Variants in NADK2 observed in about 807,000 individuals in gnomAD.
NADK2 encodes the protein NAD kinase domain-containing protein 1, mitochondrial.
A neutral mutation model predicts 62.1 loss-of-function variants in NADK2; 35 were observed. The ratio of observed to expected loss-of-function variants is 0.56; its 90% confidence interval spans 0.43 to 0.75. The LOEUF (loss-of-function observed/expected upper bound fraction) is 0.75. Ranked by LOEUF, NADK2 falls within the 30% of genes least tolerant of loss-of-function variation. The probability of loss-of-function intolerance (pLI) is 0.00; values close to 1 mark genes in which losing one functional copy is unlikely to be tolerated. For missense variants in NADK2, 439 were observed against 561.3 expected (o/e 0.78, Z 2.20); for synonymous variants, 205 against 207.9 (o/e 0.99, Z 0.12).
chr5:36,205,356 AG>A lies in NADK2; in HGVS notation c.956+1813del. ...AAGACTGGATTTTCAGACAGTGGATAGAAAGTGGAGTGTTCAGGCATTCAAG... is the reference window on the plus strand; with the variant it reads ...AAGACTGGATTTTCAGACAGTGGATAAAAGTGGAGTGTTCAGGCATTCAAG... On this transcript the variant is annotated intron_variant, in intron 8 of 11. Coordinates refer to ENST00000381937, the MANE Select transcript of NADK2 (RefSeq NM_001085411.3). This position sits in a 1 kb window ranked among gnomAD's most constrained non-coding sequence, Gnocchi z 4.1. 6.6e-6 allele frequency among the ~76,000 whole-genome samples: 1 copy of A among 152,236 alleles called. No individual in the cohort carries two copies. Among genetic ancestry groups the A allele is most frequent in the Non-Finnish European group, 1.5e-5 (1 of 67,986 alleles).
At chr5:36,207,321 A>AT in intron 7 of NADK2, 56 bp from the exon 8 acceptor site, 1 of 1,383,622 alleles carries the variant, frequency 7.2e-7, no homozygotes, top group South Asian at 1.2e-5. Flanking sequence ...GGTAAATAAG[A>AT]GAGTCTTCTT....
rs1330269204 is a variant in NADK2, at chr5:36,233,063, T to C, written c.301-5498A>G. Among the ~76,000 whole-genome samples, 7 of 152,320 alleles carry C rather than the reference T, an allele frequency of 4.6e-5. 1 individual carries two copies. The South Asian group carries it at 1.2e-3, about 27-fold the overall frequency. Reference sequence around the variant, plus strand: ...ACCTTTAATTCTTCCTCACACTCAATGTCCACAGCCAGTCAGTAGTGAAGT... The same window carrying C: ...ACCTTTAATTCTTCCTCACACTCAACGTCCACAGCCAGTCAGTAGTGAAGT... On this transcript the variant is annotated intron_variant, in intron 1 of 11. Coordinates refer to ENST00000381937, the MANE Select transcript of NADK2 (RefSeq NM_001085411.3).
At chr5:36,207,858 T>C (rs1579606432) in intron 7 of NADK2, among the ~76,000 whole-genome samples, 1 of 152,252 alleles carries the variant, frequency 6.6e-6, no homozygotes, top group Middle Eastern at 3.4e-3. Context: ...TATAAATTTC[T>C]TGGGATTTAC....
chr5:36,208,901 T>A (rs1746740498), intron 7 of NADK2, among the ~76,000 whole-genome samples: 1 of 152,108 alleles, frequency 6.6e-6, no homozygotes, highest in Admixed American at 6.6e-5. Context: ...TGCTAGCTAA[T>A]TATATGACCT....
rs10461961 is a variant in NADK2, at chr5:36,197,720, G to A, written c.1067-56C>T. ...TAAAAGATGGTCACTTCTGAGAAGG[G>A]CAAAACAAAAAATAGATGCCATCCC... On this transcript the variant is annotated intron_variant, in intron 10 of 11. Coordinates refer to ENST00000381937, the MANE Select transcript of NADK2 (RefSeq NM_001085411.3). The A allele has an allele frequency of 7.4e-3, 10,265 of 1,395,902 alleles. 716 individuals are homozygous for A. In the East Asian group the frequency reaches 0.17, roughly 23 times the overall value. The allele number at this position is 1,395,902 out of a possible 1,614,324, so 86.5% of individuals were successfully genotyped here. A position where few individuals can be genotyped will look rare whatever the true frequency, so the allele number is the denominator to read the frequency against.
chr5:36,241,761 C>T lies in NADK2; in HGVS notation c.38G>A (p.Cys13Tyr). ...CGCCGCCCGGCCGCCCGCCACGCGA[C>T]AACAGCTGCCCAGCAAGAAGCCTCG... ...CYRGFLLGSC[C>Y]RVAGGRAAAL... Residue 13 changes from cysteine to tyrosine, a missense_variant, in exon 1 of 12, where the codon TGT (cysteine) becomes TAT (tyrosine). Coordinates refer to ENST00000381937, the MANE Select transcript of NADK2 (RefSeq NM_001085411.3). The surrounding 1 kb of genome is among the most constrained non-coding windows in gnomAD (Gnocchi z 4.9). 7.5e-7 allele frequency: 1 copy of T among 1,332,586 alleles called. No individual in the cohort carries two copies. Among genetic ancestry groups the T allele is most frequent in the Non-Finnish European group, 9.6e-7 (1 of 1,036,916 alleles). The allele number at this position is 1,332,586 out of a possible 1,614,324, so 82.5% of individuals were successfully genotyped here.
chr5:36,222,639 G>T (rs1465869847), intron 4 of NADK2, among the ~76,000 whole-genome samples: 1 of 152,130 alleles, frequency 6.6e-6, no homozygotes, highest in Non-Finnish European at 1.5e-5. Flanking sequence ...AATAAGAAGT[G>T]GATATAATCA....
At chr5:36,235,680 A>T (rs941457946) in intron 1 of NADK2, among the ~76,000 whole-genome samples, 1 of 152,008 alleles carries the variant, frequency 6.6e-6, no homozygotes, top group African/African-American at 2.4e-5. Context: ...GAGAACTGTG[A>T]ATACTCATTA....
chr5:36,208,077 G>C (rs1446040462), intron 7 of NADK2, among the ~76,000 whole-genome samples: 1 of 151,998 alleles, frequency 6.6e-6, no homozygotes, highest in Admixed American at 6.6e-5. Flanking sequence ...AAATAAAAAA[G>C]TTACGATAAA....
At chr5:36,203,553 A>C in intron 8 of NADK2, among the ~76,000 whole-genome samples, 1 of 152,068 alleles carries the variant, frequency 6.6e-6, no homozygotes, top group Non-Finnish European at 1.5e-5. Context: ...AAAGACTTTT[A>C]TACTAGAGCA....
At chr5:36,204,521 T>C (rs1490598610) in intron 8 of NADK2, among the ~76,000 whole-genome samples, 3 of 152,106 alleles carry the variant, frequency 2.0e-5, no homozygotes, top group Admixed American at 2.0e-4. Context: ...ACAGGAAAAA[T>C]ACTATCATCA....
chr5:36,194,953 A>G lies in NADK2; in HGVS notation c.*191T>C, dbSNP rs112275083. ...GTATCAATTCTAATTGGTTCAGTCC[A>G]TCCATTTTCTTATACAGTGAATGTC... On this transcript the variant is annotated 3_prime_UTR_variant, in exon 12 of 12. Coordinates refer to ENST00000381937, the MANE Select transcript of NADK2 (RefSeq NM_001085411.3). 17 of 529,566 alleles carry G rather than the reference A, an allele frequency of 3.2e-5. No individual in the cohort carries two copies. The highest frequency in any genetic ancestry group is 1.8e-4 in the African/African-American group (9 of 50,688). 32.8% of individuals were successfully genotyped at this position (529,566 alleles called of 1,614,324 possible).
intron 8 of NADK2, among the ~76,000 whole-genome samples, chr5:36,203,626 T>C (rs537627175): frequency 6.6e-6 from 1 of 152,154 alleles, no homozygotes; most frequent in South Asian, 2.1e-4. Context: ...ATCTAACCCA[T>C]ACTTATCGAA....
At chr5:36,207,332 C>A in intron 7 of NADK2, 67 bp from the exon 8 acceptor site, 1 of 1,175,320 alleles carries the variant, frequency 8.5e-7, no homozygotes, top group South Asian at 1.3e-5. Flanking sequence ...GAGTCTTCTT[C>A]AGAACTAAGG....
chr5:36,200,210 T>C lies in NADK2; in HGVS notation c.1066+17A>G. The C allele has an allele frequency of 6.4e-7, 1 of 1,558,530 alleles. No individual in the cohort carries two copies. The highest frequency in any genetic ancestry group is 8.7e-7 in the Non-Finnish European group (1 of 1,147,124). On this transcript the variant is annotated intron_variant, in intron 10 of 11. Coordinates refer to ENST00000381937, the MANE Select transcript of NADK2 (RefSeq NM_001085411.3). ...ACAGAACTAAACTGTTAGTGATTAT[T>C]ATCATTTGTCACTGACCTTTCTCTA...
In NADK2 at chr5:36,216,831, T is replaced by C. The variant is rs182124136; in HGVS notation, c.781+917A>G. Among the ~76,000 whole-genome samples the C allele has an allele frequency of 2.0e-5, 3 of 152,280 alleles. No individual in the cohort carries two copies. The East Asian group carries it at 5.8e-4, about 29-fold the overall frequency. On this transcript the variant is annotated intron_variant, in intron 6 of 11. Transcript: ENST00000381937. ...AGTGAGGGATTAAAATTTCTAACTA[T>C]TATTTTTAAATTGTACTTAATAGTT...
At position 36,226,456 on chromosome 5, in the gene NADK2, A is replaced by T; in HGVS notation, c.478+19T>A. ...AACATTTGTATATGCCAACATCTTT[A>T]CTTCTGTCAAATTATTACCTCCTGC... On this transcript the variant is annotated intron_variant, in intron 3 of 11. Transcript: ENST00000381937. 1 of 1,585,284 alleles carries T rather than the reference A, an allele frequency of 6.3e-7. No individual in the cohort carries two copies. The highest frequency in any genetic ancestry group is 8.7e-7 in the Non-Finnish European group (1 of 1,155,364).
At position 36,205,825 on chromosome 5, in the gene NADK2, T is replaced by C. The variant is rs1484410400; in HGVS notation, c.956+1345A>G. ...CCCAAAGGATTATAAATCATACTAC[T>C]ATAAAGACACATGCACATGTATATT... On this transcript the variant is annotated intron_variant, in intron 8 of 11. Transcript: ENST00000381937. This position sits in a 1 kb window ranked among gnomAD's most constrained non-coding sequence, Gnocchi z 4.1. Among the ~76,000 whole-genome samples, 1 of 152,132 alleles carries C rather than the reference T, an allele frequency of 6.6e-6. No individual in the cohort carries two copies. The highest frequency in any genetic ancestry group is 1.5e-5 in the Non-Finnish European group (1 of 68,020).
intron 4 of NADK2, among the ~76,000 whole-genome samples, chr5:36,222,209 T>C (rs544754494): frequency 3.3e-4 from 50 of 150,370 alleles, no homozygotes; most frequent in African/African-American, 1.2e-3. Flanking sequence ...AGTGAGTAAG[T>C]GGTATAAGGG....
Sources: allele counts gnomAD v4.1 joint callset (sites outside exome capture counted in the v4.1 genomes callset), GRCh38; gene constraint gnomAD v4.1.1; non-coding constraint Gnocchi (gnomAD v3.1); transcripts MANE v1.5; gene names NCBI Gene and HGNC (gene_info 2026-07-23, HGNC 2026-07-21).